SDK1: variants seen among roughly 807,000 people sequenced by gnomAD.
SDK1 encodes the protein protein sidekick-1.
A neutral mutation model predicts 245.5 loss-of-function variants in SDK1; 157 were observed. That is an observed-to-expected ratio of 0.64 (90% confidence interval 0.56 to 0.73). The LOEUF (loss-of-function observed/expected upper bound fraction) is 0.73, where lower values mean the gene tolerates loss of function less well. SDK1 is among the 30% of genes least tolerant of loss of function. The probability of loss-of-function intolerance (pLI) is 0.00; values close to 1 mark genes in which losing one functional copy is unlikely to be tolerated. For synonymous variants in SDK1, 1,647 were observed against 1,278.5 expected, an observed-to-expected ratio of 1.29 and a Z score of -6.15; for missense variants, 3,583 against 3,002.3, an observed-to-expected ratio of 1.19 and a Z score of -4.52.
chr7:3,830,505 T>C (rs930764531), intron 5 of SDK1, among the ~76,000 whole-genome samples: 17 of 152,274 alleles, frequency 1.1e-4, no homozygotes, highest in African/African-American at 4.1e-4. Context: ...TTGTTTTGTT[T>C]TGTTTTTGGA....
intron 1 of SDK1, among the ~76,000 whole-genome samples, chr7:3,576,981 C>A (rs10263702): frequency 0.12 from 18,802 of 151,964 alleles, 1,634 homozygotes; most frequent in East Asian, 0.36. Context: ...CACTTCACCA[C>A]GGTGGATGGA....
chr7:3,534,238 T>TA (rs1007782196), intron 1 of SDK1, among the ~76,000 whole-genome samples: 1 of 152,180 alleles, frequency 6.6e-6, no homozygotes, highest in African/African-American at 2.4e-5. Flanking sequence ...CTCTTTTTTT[T>TA]AAGTTAATAT....
chr7:3,847,524 A>G (rs1780310447), intron 5 of SDK1, among the ~76,000 whole-genome samples: 1 of 152,194 alleles, frequency 6.6e-6, no homozygotes, highest in African/African-American at 2.4e-5. Context: ...ATTGGAAGCA[A>G]GCGTGTGGGA....
chr7:3,773,325 G>T (rs1780456297), intron 4 of SDK1, among the ~76,000 whole-genome samples: 1 of 151,638 alleles, frequency 6.6e-6, no homozygotes, highest in Non-Finnish European at 1.5e-5. Flanking sequence ...AATTGCTTTT[G>T]AATCCCTCTA....
intron 1 of SDK1, among the ~76,000 whole-genome samples, chr7:3,314,597 C>T (rs1023641104): frequency 2.0e-5 from 3 of 152,170 alleles, no homozygotes; most frequent in South Asian, 2.1e-4. Context: ...TCATCAATTC[C>T]TGAATTTTGA....
chr7:3,451,536 C>A (rs1780514487), intron 1 of SDK1, among the ~76,000 whole-genome samples: 1 of 151,568 alleles, frequency 6.6e-6, no homozygotes, highest in South Asian at 2.1e-4. Flanking sequence ...AAAATGACGT[C>A]AGTGTTATCA....
chr7:3,834,383 A>G (rs966192558), intron 5 of SDK1, among the ~76,000 whole-genome samples: 1 of 152,254 alleles, frequency 6.6e-6, no homozygotes, highest in Non-Finnish European at 1.5e-5. Flanking sequence ...ACAGGAACAC[A>G]GTGTGTTAAA....
chr7:3,797,210 T>C (rs1778981905), intron 4 of SDK1, among the ~76,000 whole-genome samples: 1 of 152,052 alleles, frequency 6.6e-6, no homozygotes, highest in Admixed American at 6.6e-5. Context: ...CTCTAACCCC[T>C]AGCTCCAAGC....
At chr7:3,524,191 A>G (rs1377003425) in intron 1 of SDK1, among the ~76,000 whole-genome samples, 1 of 152,220 alleles carries the variant, frequency 6.6e-6, no homozygotes, top group Non-Finnish European at 1.5e-5. Context: ...TGCTTGAGGT[A>G]TGAGAGGTGA....
At chr7:4,157,285 G>A (rs1780794240) in intron 30 of SDK1, among the ~76,000 whole-genome samples, 1 of 151,372 alleles carries the variant, frequency 6.6e-6, no homozygotes, top group South Asian at 2.1e-4. Flanking sequence ...TGAAGGAGGG[G>A]AAGGAAGAAA....
intron 2 of SDK1, among the ~76,000 whole-genome samples, chr7:3,632,146 A>G (rs1782314362): frequency 6.6e-6 from 1 of 152,174 alleles, no homozygotes; most frequent in South Asian, 2.1e-4. Flanking sequence ...GGTTTTCTGA[A>G]ATTCCTTTTT....
chr7:3,830,646 C>G (rs1282998128), intron 5 of SDK1, among the ~76,000 whole-genome samples: 2 of 152,110 alleles, frequency 1.3e-5, no homozygotes, highest in Non-Finnish European at 2.9e-5. Flanking sequence ...CAGGTGTACA[C>G]CACCACACTT....
In SDK1 at chr7:4,051,656, G is replaced by C. The variant is rs1440566120; in HGVS notation, c.2737G>C (p.Asp913His). 1 of 1,611,304 alleles carries C rather than the reference G, an allele frequency of 6.2e-7. No individual in the cohort carries two copies. Among genetic ancestry groups the C allele is most frequent in the African/African-American group, 1.3e-5 (1 of 74,802 alleles). ...ATCTCAGCTTCTGGCATGGCCGGCA[G>C]ATGCCCCCGAGGCTGTCACTGTGGT... Reference protein sequence around the residue: ...QGYKLLAWPADAPEAVTVVTI... With the variant: ...QGYKLLAWPAHAPEAVTVVTI... Residue 913 changes from aspartate to histidine, a missense_variant, in exon 19 of 45, where the codon GAT becomes CAT. Transcript: ENST00000404826.
chr7:3,545,873 G>A (rs1007874709), intron 1 of SDK1, among the ~76,000 whole-genome samples: 26 of 152,188 alleles, frequency 1.7e-4, no homozygotes, highest in African/African-American at 4.6e-4. Context: ...TATAATTTCT[G>A]TTCTGTATAT....
chr7:4,052,995 G>A (rs1240232864), intron 19 of SDK1, among the ~76,000 whole-genome samples: 1 of 149,952 alleles, frequency 6.7e-6, no homozygotes, highest in Non-Finnish European at 1.5e-5. Flanking sequence ...GCTGAGGCAG[G>A]AGAATCACTT....
chr7:3,414,507 A>G (rs992776897), intron 1 of SDK1, among the ~76,000 whole-genome samples: 7 of 152,200 alleles, frequency 4.6e-5, no homozygotes, highest in South Asian at 2.1e-4. Context: ...ATGAATATCT[A>G]TAGATCTTCC....
intron 1 of SDK1, among the ~76,000 whole-genome samples, chr7:3,587,518 G>A (rs538164722): frequency 2.0e-4 from 31 of 152,258 alleles, no homozygotes; most frequent in African/African-American, 6.5e-4. Context: ...CCAAGTACAG[G>A]AGAAGATTGA....
chr7:3,805,580 A>G (rs1779221317), intron 4 of SDK1, among the ~76,000 whole-genome samples: 1 of 152,218 alleles, frequency 6.6e-6, no homozygotes, highest in Non-Finnish European at 1.5e-5. Context: ...TTGAGACCAT[A>G]GCAGTTCCCC....
chr7:3,970,655 G>A (rs576769108), intron 11 of SDK1, among the ~76,000 whole-genome samples: 125 of 152,326 alleles, frequency 8.2e-4, no homozygotes, highest in African/African-American at 2.7e-3. Context: ...ACATTATAGC[G>A]ACACTAGCCT....
Sources: gnomAD v4.1 joint callset for allele counts (sites outside exome capture counted in the v4.1 genomes callset) on GRCh38, gnomAD v4.1.1 for gene constraint, MANE v1.5 for transcripts, NCBI Gene and HGNC (gene_info 2026-07-23, HGNC 2026-07-21) for gene names.